Variants in STIM2 observed in about 807,000 individuals in gnomAD.
The protein encoded by STIM2 is stromal interaction molecule 2.
A neutral mutation model predicts 85.8 loss-of-function variants in STIM2; 31 were observed. That is an observed-to-expected ratio of 0.36 (90% CI 0.27 to 0.49). The LOEUF is 0.49. Among genes scored for constraint, STIM2 ranks in the 20% least tolerant of loss-of-function variants. The pLI, the probability that STIM2 is intolerant of heterozygous loss-of-function variation, is 0.98. For missense variants in STIM2, 841 were observed against 927.6 expected (o/e 0.91, Z 1.21); for synonymous variants, 356 against 331.1 (o/e 1.08, Z -0.82).
chr4:26,880,578 A>G (rs1032781543), intron 1 of STIM2, among the ~76,000 whole-genome samples: 2 of 113,120 alleles, frequency 1.8e-5, no homozygotes, highest in Admixed American at 9.4e-5. Context: ...GCCTTGGTTC[A>G]TACCTTTTGT....
chr4:26,887,295 T>A (rs1723291774), intron 1 of STIM2, among the ~76,000 whole-genome samples: 1 of 151,950 alleles, frequency 6.6e-6, no homozygotes, highest in Non-Finnish European at 1.5e-5. Flanking sequence ...TGCTTTCATT[T>A]TCTACTTGGG....
At chr4:26,873,497 G>T (rs1221734525) in intron 1 of STIM2, 1 of 340,016 alleles carries the variant, frequency 2.9e-6, no homozygotes, top group East Asian at 7.0e-5. Flanking sequence ...GGGGGCTCTG[G>T]GTCCCTTGTT....
At chr4:26,861,602 C>T in intron 1 of STIM2, 1 of 456,808 alleles carries the variant, frequency 2.2e-6, no homozygotes, top group Non-Finnish European at 3.4e-6. Context: ...CCCCTCCCTT[C>T]AGTCGGGCTC....
chr4:26,874,133 C>T, intron 1 of STIM2: 1 of 526,840 alleles, frequency 1.9e-6, no homozygotes, highest in South Asian at 1.7e-5. Flanking sequence ...CTGGGGTTTC[C>T]AAGTGTTTGC....
intron 3 of STIM2, among the ~76,000 whole-genome samples, chr4:26,973,808 T>G (rs1025011918): frequency 6.6e-6 from 1 of 152,236 alleles, no homozygotes; most frequent in African/African-American, 2.4e-5. Context: ...ACCTTCTGTC[T>G]TGTTGATCTG....
intron 2 of STIM2, among the ~76,000 whole-genome samples, chr4:26,938,033 A>G (rs1725459051): frequency 6.6e-6 from 1 of 150,400 alleles, no homozygotes; most frequent in Admixed American, 6.6e-5. Context: ...TAATAATTTA[A>G]ATAGCTTAAA....
chr4:27,017,211 T>C (rs993187121), intron 10 of STIM2, among the ~76,000 whole-genome samples: 1 of 152,176 alleles, frequency 6.6e-6, no homozygotes, highest in Non-Finnish European at 1.5e-5. Context: ...AAGAAACAAG[T>C]TTTGCTCTGA....
intron 4 of STIM2, among the ~76,000 whole-genome samples, chr4:26,998,837 G>A (rs977939787): frequency 2.0e-5 from 3 of 151,852 alleles, no homozygotes; most frequent in Admixed American, 1.3e-4. Context: ...GCTTGAACCC[G>A]GGAGGCGGAG....
chr4:26,895,471 G>C (rs968989649), intron 1 of STIM2, among the ~76,000 whole-genome samples: 1 of 152,144 alleles, frequency 6.6e-6, no homozygotes, highest in Admixed American at 6.5e-5. Flanking sequence ...TTTTTTGCAT[G>C]TTAGGAAGCA....
intron 2 of STIM2, among the ~76,000 whole-genome samples, chr4:26,930,651 CACAGA>C (rs1725174094): frequency 6.6e-6 from 1 of 152,060 alleles, no homozygotes; most frequent in Non-Finnish European, 1.5e-5. Flanking sequence ...TAGTTAACAA[CACAGA>C]TGTGTCTGTG....
At chr4:26,932,064 C>A (rs1271232738) in intron 2 of STIM2, among the ~76,000 whole-genome samples, 4 of 152,094 alleles carry the variant, frequency 2.6e-5, no homozygotes, top group Non-Finnish European at 4.4e-5. Context: ...GGTATGGACT[C>A]CTTATAACAA....
intron 2 of STIM2, among the ~76,000 whole-genome samples, chr4:26,941,885 A>C (rs1289541594): frequency 6.6e-6 from 1 of 152,180 alleles, no homozygotes; most frequent in Non-Finnish European, 1.5e-5. Flanking sequence ...TGAAAACTAC[A>C]CACTCAATTG....
chr4:26,898,695 A>T (rs1478416881), intron 1 of STIM2, among the ~76,000 whole-genome samples: 2 of 152,302 alleles, frequency 1.3e-5, no homozygotes, highest in East Asian at 3.9e-4. Flanking sequence ...CAATTTTTAG[A>T]TTAATAAGTT....
intron 2 of STIM2, among the ~76,000 whole-genome samples, chr4:26,929,977 A>G (rs1469473697): frequency 6.6e-6 from 1 of 152,132 alleles, no homozygotes; most frequent in Non-Finnish European, 1.5e-5. Context: ...ATAAGAGAAT[A>G]AATGTCTGAT....
At chr4:27,009,081 C>G in intron 10 of STIM2, 79 bp downstream of exon 10, 1 of 1,243,752 alleles carries the variant, frequency 8.0e-7, no homozygotes. Flanking sequence ...GAATCATGTA[C>G]TTCGAAATCT....
At position 26,940,260 on chromosome 4, in the gene STIM2, GTA is replaced by G. The variant is rs1316338865; in HGVS notation, c.283-17350_283-17349del. On this transcript the variant is annotated intron_variant, in intron 2 of 11. Coordinates refer to ENST00000467087, the MANE Select transcript of STIM2 (RefSeq NM_020860.4). Reference sequence around the variant, plus strand: ...CTTGCCTTTCCTCCACCATAAGTGTGTATGTTTTCGGTAAGATTTTTATCTTT... The same window carrying G: ...CTTGCCTTTCCTCCACCATAAGTGTGTGTTTTCGGTAAGATTTTTATCTTT... 2.6e-5 allele frequency among the ~76,000 whole-genome samples: 4 copies of G among 152,260 alleles called. No homozygotes were observed. In the East Asian group the frequency reaches 7.7e-4, roughly 29 times the overall value.
At chr4:27,006,870 TC>T (rs2109135510) in intron 7 of STIM2, among the ~76,000 whole-genome samples, 1 of 152,322 alleles carries the variant, frequency 6.6e-6, no homozygotes, top group East Asian at 1.9e-4. Flanking sequence ...TTAGCTAGTT[TC>T]TGGTGTATTC....
chr4:26,902,693 G>A lies in STIM2; in HGVS notation c.152-16811G>A, dbSNP rs189677327. On this transcript the variant is annotated intron_variant, in intron 1 of 11. Coordinates refer to ENST00000467087, the MANE Select transcript of STIM2 (RefSeq NM_020860.4). ...TGAGTTCTGCAGGCAGGAAGAATGC[G>A]GTAATTGTCAGTCTTTTGACAGTGT... is the stretch of plus-strand genomic sequence containing the variant. 4.1e-4 allele frequency among the ~76,000 whole-genome samples: 62 copies of A among 152,208 alleles called. 1 individual carries two copies. In the Middle Eastern group the frequency reaches 0.017, roughly 42 times the overall value.
intron 1 of STIM2, among the ~76,000 whole-genome samples, chr4:26,889,177 C>T (rs1281506323): frequency 6.6e-6 from 1 of 152,176 alleles, no homozygotes; most frequent in Non-Finnish European, 1.5e-5. Context: ...GAATCCTGGC[C>T]ATGGGAGAAA....
Sources: gnomAD v4.1 joint callset for allele counts (sites outside exome capture counted in the v4.1 genomes callset) on GRCh38, gnomAD v4.1.1 for gene constraint, MANE v1.5 for transcripts, NCBI Gene and HGNC (gene_info 2026-07-23, HGNC 2026-07-21) for gene names.